Variants in CAMK1 observed in about 807,000 individuals in gnomAD.
CAMK1 encodes calcium/calmodulin-dependent protein kinase type 1.
A neutral mutation model predicts 49.1 loss-of-function variants in CAMK1; 39 were observed. That is an observed-to-expected ratio of 0.79 (90% confidence interval 0.62 to 1.04). CAMK1 has a LOEUF of 1.04. CAMK1 is among the 50% of genes least tolerant of loss of function. The pLI is 0.00. For synonymous variants in CAMK1, 192 were observed against 185.2 expected (o/e 1.04, Z -0.30); for missense variants, 457 against 472.2 (o/e 0.97, Z 0.30).
intron 1 of CAMK1, 115 bp from the exon 2 acceptor site, chr3:9,767,896 T>C: frequency 1.5e-6 from 2 of 1,353,276 alleles, no homozygotes; most frequent in South Asian, 3.2e-5. Flanking sequence ...ATTCATCCAT[T>C]TGACAAAATC....
chr3:9,766,235 A>G (rs761360410), intron 2 of CAMK1: 1 of 718,032 alleles, frequency 1.4e-6, no homozygotes, highest in South Asian at 1.5e-5. Flanking sequence ...TGAAATTAAC[A>G]CAAAGGAAGT....
chr3:9,765,380 A>C (rs771343890), intron 3 of CAMK1, among the ~76,000 whole-genome samples: 1 of 152,204 alleles, frequency 6.6e-6, no homozygotes, highest in Non-Finnish European at 1.5e-5. Context: ...TCTGGGGGTC[A>C]GCAGACAGTC....
intron 3 of CAMK1, among the ~76,000 whole-genome samples, chr3:9,764,710 G>A (rs1157171090): frequency 1.5e-5 from 2 of 131,414 alleles, no homozygotes; most frequent in Non-Finnish European, 3.1e-5. Context: ...TCGGCTCACC[G>A]CAACCTCCAC....
Position 9,767,664 on chromosome 3 carries a change from C to CA in CAMK1, c.83+2dup. On this transcript the variant is annotated splice_region_variant and intron_variant, in intron 2 of 11. Transcript: ENST00000256460. ...CCAGCACCCAATCCTGCCCTGGACT[C>CA]ACGTGCCCAGAACATCTCGGAAGTC... is the stretch of plus-strand genomic sequence containing the variant. 2 of 1,614,176 alleles carry CA rather than the reference C, an allele frequency of 1.2e-6. No homozygotes were observed. The highest frequency in any genetic ancestry group is 8.5e-7 in the Non-Finnish European group (1 of 1,180,034).
At chr3:9,761,824 G>T (rs546193931) in intron 5 of CAMK1, 67 bp from the exon 6 acceptor site, 1 of 1,582,694 alleles carries the variant, frequency 6.3e-7, no homozygotes, top group Admixed American at 1.7e-5. Context: ...ACCTTCTGCC[G>T]CTCCAAGCAC....
chr3:9,759,220 C>T (rs1443511398), intron 10 of CAMK1: 2 of 1,614,050 alleles, frequency 1.2e-6, no homozygotes, highest in South Asian at 2.2e-5. Flanking sequence ...TATGACCTTT[C>T]TCGGACCCCA....
At position 9,765,870 on chromosome 3, in the gene CAMK1, A is replaced by G. The variant is rs893317804; in HGVS notation, c.104T>C (p.Ile35Thr). The G allele has an allele frequency of 6.2e-7, 1 of 1,613,844 alleles. No homozygotes were observed. ...CTGCGTCCTCTTATCTTCTGCCAGGATCACCTCCGAGAAGGCCCCCCTATC... is the reference window on the plus strand; with the variant it reads ...CTGCGTCCTCTTATCTTCTGCCAGGGTCACCTCCGAGAAGGCCCCCCTATC... ...VLGTGAFSEV[I>T]LAEDKRTQKL... Residue 35 changes from isoleucine to threonine, a missense_variant, in exon 3 of 12, where the codon ATC (isoleucine) becomes ACC (threonine). By Grantham distance (89) the Ile-to-Thr change is moderately conservative (BLOSUM62 -1). Transcript: ENST00000256460.
intron 1 of CAMK1, 37 bp from the exon 2 acceptor site, chr3:9,767,818 C>T (rs2078196974): frequency 6.3e-7 from 1 of 1,591,762 alleles, no homozygotes; most frequent in East Asian, 2.3e-5. Flanking sequence ...TCAGCAGAGC[C>T]CAGCCCTCTG....
In CAMK1 at chr3:9,763,993, A is replaced by T. The variant is rs190926547; in HGVS notation, c.216-780T>A. Among the ~76,000 whole-genome samples, 731 of 151,996 alleles carry T rather than the reference A, an allele frequency of 4.8e-3. 5 individuals carry two copies. The highest frequency in any genetic ancestry group is 0.012 in the African/African-American group (491 of 41,478). The stretch of plus-strand genomic sequence containing the variant: ...AAGAGCAAAACTCCATCTCAAAAAA[A>T]ATATATATATATAGTTTTCTGTGTT... On this transcript the variant is annotated intron_variant, in intron 3 of 11. Coordinates refer to ENST00000256460, the MANE Select transcript of CAMK1 (RefSeq NM_003656.5).
chr3:9,766,431 C>T (rs993596678), intron 2 of CAMK1: 5 of 446,692 alleles, frequency 1.1e-5, no homozygotes, highest in South Asian at 2.1e-5. Flanking sequence ...CAGCATCACC[C>T]GGGAACTTTT....
chr3:9,760,866 G>T, intron 7 of CAMK1, 98 bp from the exon 8 acceptor site: 2 of 1,548,548 alleles, frequency 1.3e-6, no homozygotes, highest in East Asian at 2.4e-5. Flanking sequence ...AGGAGCCATG[G>T]AAGGAGTTCC....
chr3:9,757,931 G>T lies in CAMK1; in HGVS notation c.913-85C>A. 6.6e-7 allele frequency: 1 copy of T among 1,514,664 alleles called. No individual in the cohort carries two copies. The highest frequency in any genetic ancestry group is 8.8e-7 in the Non-Finnish European group (1 of 1,131,052). The allele number at this position is 1,514,664 out of a possible 1,614,324, so 93.8% of individuals were successfully genotyped here. A position where few individuals can be genotyped will look rare whatever the true frequency, so the allele number is the denominator to read the frequency against. On this transcript the variant is annotated intron_variant, in intron 10 of 11. Transcript: ENST00000256460. This position sits in a 1 kb window ranked among gnomAD's most constrained non-coding sequence, Gnocchi z 4.5. ...GGGGCAGGGGCGCAGTGGGATTCTT[G>T]CAATTGTTCTGTTATTTTCATTCAG...
chr3:9,767,359 C>T (rs2078182676), intron 2 of CAMK1, among the ~76,000 whole-genome samples: 1 of 152,146 alleles, frequency 6.6e-6, no homozygotes, highest in Admixed American at 6.5e-5. Context: ...AAGAACAGAG[C>T]CATCTCCAGC....
chr3:9,767,722 A>C lies in CAMK1; in HGVS notation c.28T>G (p.Trp10Gly). ...TCTCTAATGTCCTCCGCCTGCTTCC[A>C]CCTGGGGCCTTCCACTGCCCCCAGC... MLGAVEGPR[W>G]KQAEDIRDIY... is the part of the protein sequence containing the mutation. The change falls in exon 2 of 12, where the codon TGG (tryptophan) becomes GGG (glycine). Residue 10 changes from tryptophan to glycine, a missense_variant. By Grantham distance (184) the Trp-to-Gly change is radical. Transcript: ENST00000256460. The C allele has an allele frequency of 6.2e-7, 1 of 1,613,992 alleles. No individual in the cohort carries two copies. The highest frequency in any genetic ancestry group is 8.5e-7 in the Non-Finnish European group (1 of 1,179,982).
chr3:9,759,598 G>T (rs982289547), intron 9 of CAMK1, 23 bp from the exon 10 acceptor site: 13 of 1,614,174 alleles, frequency 8.1e-6, no homozygotes, highest in Non-Finnish European at 1.1e-5. Flanking sequence ...TATGTGGTGG[G>T]TTGCCTATGA....
chr3:9,761,834 C>T, intron 5 of CAMK1, 77 bp from the exon 6 acceptor site: 1 of 1,558,560 alleles, frequency 6.4e-7, no homozygotes, highest in Non-Finnish European at 8.7e-7. Context: ...GCTCCAAGCA[C>T]CTTCTGAGAA....
Position 9,767,718 on chromosome 3 carries a change from T to C in CAMK1, c.32A>G (p.Lys11Arg). The C allele has an allele frequency of 1.2e-6, 2 of 1,614,106 alleles. No individual in the cohort carries two copies. Among genetic ancestry groups the C allele is most frequent in the Non-Finnish European group, 1.7e-6 (2 of 1,180,012 alleles). Residue 11 changes from lysine to arginine, a missense_variant, in exon 2 of 12, where the codon AAG (lysine) becomes AGG (arginine). Transcript: ENST00000256460. Reference sequence around the variant, plus strand: ...GATGTCTCTAATGTCCTCCGCCTGCTTCCACCTGGGGCCTTCCACTGCCCC... The same window carrying C: ...GATGTCTCTAATGTCCTCCGCCTGCCTCCACCTGGGGCCTTCCACTGCCCC... MLGAVEGPRW[K>R]QAEDIRDIYD...
At chr3:9,759,166 T>A in intron 10 of CAMK1, 1 of 1,581,102 alleles carries the variant, frequency 6.3e-7, no homozygotes, top group Admixed American at 1.7e-5. Context: ...TATGCCTCAC[T>A]AATTCCTACT....
At chr3:9,764,497 A>G (rs1431405044) in intron 3 of CAMK1, among the ~76,000 whole-genome samples, 4 of 151,756 alleles carry the variant, frequency 2.6e-5, no homozygotes, top group Non-Finnish European at 5.9e-5. Flanking sequence ...TTTTTAGTAG[A>G]GACGGAGTTT....
Sources: allele counts gnomAD v4.1 joint callset (sites outside exome capture counted in the v4.1 genomes callset), GRCh38; gene constraint gnomAD v4.1.1; non-coding constraint Gnocchi (gnomAD v3.1); transcripts MANE v1.5; gene names NCBI Gene and HGNC (gene_info 2026-07-23, HGNC 2026-07-21).